Variants in ZNF789 observed in about 807,000 individuals in gnomAD.
ZNF789 encodes zinc finger protein 789.
A neutral mutation model predicts 15.6 loss-of-function variants in ZNF789; 11 were observed. That is an observed-to-expected ratio of 0.70 (90% CI 0.44 to 1.16). ZNF789 has a LOEUF of 1.16. Among genes scored for constraint, ZNF789 ranks in the 50% most tolerant of loss-of-function variants. ZNF789 has a pLI of 0.00. For missense variants in ZNF789, 461 were observed against 512.6 expected (o/e 0.90, Z 0.97); for synonymous variants, 159 against 176.0 (o/e 0.90, Z 0.76).
chr7:99,474,100 A>G (rs1799168122), intron 1 of ZNF789, among the ~76,000 whole-genome samples: 1 of 152,156 alleles, frequency 6.6e-6, no homozygotes, highest in South Asian at 2.1e-4. Context: ...ACTCCATTTA[A>G]TTTTTCATTA....
At chr7:99,481,766 T>G in intron 3 of ZNF789, 1 of 220,214 alleles carries the variant, frequency 4.5e-6, no homozygotes, top group South Asian at 5.8e-5. Flanking sequence ...TGAGAGTGCT[T>G]CTTTACTATA....
In ZNF789 at chr7:99,485,073, A is replaced by G. The variant is rs1351294416; in HGVS notation, c.265+930A>G. On this transcript the variant is annotated intron_variant, in intron 4 of 4. Transcript: ENST00000331410. ...AGTGACAGCTCTTAGGGCACCCTGG[A>G]TGCCCCTTGATTCCACCCTCATTAC... is the stretch of plus-strand genomic sequence containing the variant. The G allele has an allele frequency of 6.9e-6, 7 of 1,012,700 alleles. No homozygotes were observed. In the Admixed American group the frequency reaches 7.8e-5, roughly 11 times the overall value. 62.7% of individuals were successfully genotyped at this position (1,012,700 alleles called of 1,614,324 possible).
At chr7:99,483,532 G>T in intron 3 of ZNF789, 1 of 556,764 alleles carries the variant, frequency 1.8e-6, no homozygotes, top group Non-Finnish European at 3.3e-6. Context: ...TTGGGAGGCT[G>T]AGGCAGAAGA....
intron 2 of ZNF789, chr7:99,478,329 T>TTAC: frequency 7.8e-7 from 1 of 1,289,648 alleles, no homozygotes; most frequent in South Asian, 1.2e-5. Context: ...AGCGCAGCTC[T>TTAC]GGTAAAAGAG....
At chr7:99,473,681 G>A (rs941300617) in intron 1 of ZNF789, among the ~76,000 whole-genome samples, 3 of 152,154 alleles carry the variant, frequency 2.0e-5, no homozygotes, top group African/African-American at 4.8e-5. Flanking sequence ...AGTACAATGG[G>A]CCAATCTCGA....
rs1295329769 is a variant in ZNF789 at position 99,475,731 on chromosome 7, C to T, written c.-54-672C>T. Reference sequence around the variant, plus strand: ...ATTGATCAAGTCCTGATTTGGGGCCCATGCCTCAGAGGCTATGGTTTGGCT... The same window carrying T: ...ATTGATCAAGTCCTGATTTGGGGCCTATGCCTCAGAGGCTATGGTTTGGCT... On this transcript the variant is annotated intron_variant, in intron 1 of 4. Coordinates refer to ENST00000331410, the MANE Select transcript of ZNF789 (RefSeq NM_213603.3). Among the ~76,000 whole-genome samples the T allele has an allele frequency of 8.6e-5, 13 of 151,870 alleles. No individual in the cohort carries two copies. The South Asian group carries it at 2.7e-3, about 32-fold the overall frequency.
chr7:99,479,904 T>A (rs1191073777), intron 3 of ZNF789, 117 bp downstream of exon 3: 3 of 1,413,700 alleles, frequency 2.1e-6, no homozygotes, highest in Non-Finnish European at 2.8e-6. Flanking sequence ...AAGGTTTTTT[T>A]ATAACTCGTG....
chr7:99,478,314 A>C, intron 2 of ZNF789: 1 of 1,289,724 alleles, frequency 7.8e-7, no homozygotes, highest in Non-Finnish European at 1.0e-6. Context: ...GATTGAGGAC[A>C]TGGCAGCGCA....
chr7:99,481,997 G>A (rs1295298265), intron 3 of ZNF789: 1 of 615,982 alleles, frequency 1.6e-6, no homozygotes, highest in Non-Finnish European at 2.9e-6. Context: ...GGGACCAAAA[G>A]TGTTTTGGAT....
At chr7:99,475,707 T>C (rs146928989) in intron 1 of ZNF789, among the ~76,000 whole-genome samples, 1,618 of 152,252 alleles carry the variant, frequency 0.011, 17 homozygotes, top group African/African-American at 0.036. Context: ...AAAGCTGTTA[T>C]TGATCAAGTC....
At chr7:99,475,707 T>A (rs146928989) in intron 1 of ZNF789, among the ~76,000 whole-genome samples, 1 of 152,142 alleles carries the variant, frequency 6.6e-6, no homozygotes, top group African/African-American at 2.4e-5. Flanking sequence ...AAAGCTGTTA[T>A]TGATCAAGTC....
chr7:99,484,816 C>T (rs1799839278), intron 4 of ZNF789, among the ~76,000 whole-genome samples: 1 of 151,968 alleles, frequency 6.6e-6, no homozygotes, highest in African/African-American at 2.4e-5. Context: ...GTAGTCCCAG[C>T]TACTCAGGAG....
At chr7:99,476,249 C>A in intron 1 of ZNF789, 154 bp from the exon 2 acceptor site, 2 of 550,018 alleles carry the variant, frequency 3.6e-6, no homozygotes, top group Admixed American at 7.5e-5. Context: ...CTTATTGTAG[C>A]GGCTCATGCA....
In ZNF789 at chr7:99,487,316, T is replaced by G; in HGVS notation, c.1106T>G (p.Phe369Cys). ...HQRIHTKEEF[F>C]QCGECGKTFS... is the part of the protein sequence containing the mutation. ...AGAATCCATACAAAGGAGGAATTCT[T>G]TCAATGTGGAGAATGTGGGAAAACG... Residue 369 changes from phenylalanine (F) to cysteine (C), a missense_variant, in exon 5 of 5, where the codon TTT becomes TGT. Transcript: ENST00000331410. 6.2e-7 allele frequency: 1 copy of G among 1,614,228 alleles called. No homozygotes were observed. Among genetic ancestry groups the G allele is most frequent in the South Asian group, 1.1e-5 (1 of 91,084 alleles).
intron 1 of ZNF789, among the ~76,000 whole-genome samples, chr7:99,475,907 C>T (rs982327712): frequency 6.0e-5 from 9 of 150,236 alleles, no homozygotes; most frequent in East Asian, 5.9e-4. Flanking sequence ...CAGGTTCAAG[C>T]GATTCTCCTG....
chr7:99,475,786 C>G (rs1799297010), intron 1 of ZNF789, among the ~76,000 whole-genome samples: 3 of 150,264 alleles, frequency 2.0e-5, no homozygotes, highest in Admixed American at 6.6e-5. Context: ...GGGTGTGGAT[C>G]AGAGTGCTAT....
intron 4 of ZNF789, 109 bp from the exon 5 acceptor site, chr7:99,486,367 C>A: frequency 2.7e-6 from 3 of 1,107,824 alleles, no homozygotes; most frequent in Non-Finnish European, 3.8e-6. Context: ...TAAACGAGAT[C>A]ACTTCTTAGC....
At chr7:99,479,333 GGCTGTTCCTCAGATTGTTGATTT>G (rs1207521160) in intron 2 of ZNF789, 2 of 219,704 alleles carry the variant, frequency 9.1e-6, no homozygotes, top group African/African-American at 4.5e-5. Context: ...CCAACACAAA[GGCTGTTCCTCAGATTGTTGATTT>G]GCTGTTCCTC....
Position 99,480,827 on chromosome 7 carries a change from T to C in ZNF789, c.151+1040T>C, listed in dbSNP as rs563557069. The C allele has an allele frequency of 4.6e-5, 7 of 152,366 alleles. No homozygotes were observed. In the South Asian group the frequency reaches 1.2e-3, roughly 27 times the overall value. The allele number at this position is 152,366 out of a possible 1,614,324, so 9.4% of individuals were successfully genotyped here. Reference sequence around the variant, plus strand: ...CCACTGTGGGAGTTGCCTTGCTAAATAGTTTTCTTTCCGGGGTCACATGTT... The same window carrying C: ...CCACTGTGGGAGTTGCCTTGCTAAACAGTTTTCTTTCCGGGGTCACATGTT... On this transcript the variant is annotated intron_variant, in intron 3 of 4. Transcript: ENST00000331410.
Sources: allele counts gnomAD v4.1 joint callset (sites outside exome capture counted in the v4.1 genomes callset), GRCh38; gene constraint gnomAD v4.1.1; transcripts MANE v1.5; gene names NCBI Gene and HGNC (gene_info 2026-07-23, HGNC 2026-07-21).